KCNC4: variants seen among roughly 807,000 people sequenced by gnomAD.
KCNC4 encodes the protein potassium voltage-gated channel subfamily C member 4, also known as voltage-gated potassium channel KCNC4.
In KCNC4, 23 loss-of-function variants were observed where a neutral mutation model predicts 42.8. That is an observed-to-expected ratio of 0.54 (90% CI 0.39 to 0.76). The LOEUF (loss-of-function observed/expected upper bound fraction) is 0.76. KCNC4 is among the 30% of genes least tolerant of loss of function. The pLI, the probability that KCNC4 is intolerant of heterozygous loss-of-function variation, is 0.00. For missense variants in KCNC4, 751 were observed against 898.2 expected (o/e 0.84, Z 2.10); for synonymous variants, 422 against 393.5 (o/e 1.07, Z -0.86).
chr1:110,267,655 C>T (rs1659563190), intron 1 of KCNC4, among the ~76,000 whole-genome samples: 1 of 152,192 alleles, frequency 6.6e-6, no homozygotes, highest in Non-Finnish European at 1.5e-5. Context: ...TTCTGTCATT[C>T]TTAATCCTCC....
intron 3 of KCNC4, among the ~76,000 whole-genome samples, chr1:110,228,066 G>T (rs1015764595): frequency 2.0e-5 from 3 of 152,206 alleles, no homozygotes; most frequent in Admixed American, 1.3e-4. Flanking sequence ...AAGCGTGGCA[G>T]TTAACATTGC....
chr1:110,268,621 A>AAG, intron 1 of KCNC4, among the ~76,000 whole-genome samples: 1 of 148,912 alleles, frequency 6.7e-6, no homozygotes, highest in South Asian at 2.1e-4. Flanking sequence ...AAAAAAAAAA[A>AAG]AAAAAAGAAA....
At chr1:110,279,293 C>A (rs1373205660) in intron 1 of KCNC4, among the ~76,000 whole-genome samples, 1 of 152,170 alleles carries the variant, frequency 6.6e-6, no homozygotes, top group Non-Finnish European at 1.5e-5. Flanking sequence ...AACTCGCCAT[C>A]CTGTTCTCTG....
exon 4 of KCNC4, chr1:110,247,926 A>G (rs1163850021): frequency 6.6e-6 from 1 of 152,208 alleles, no homozygotes; most frequent in Non-Finnish European, 1.5e-5. Flanking sequence ...TGCCTTTACA[A>G]GAGCATATGT....
chr1:110,223,035 C>T lies in KCNC4; in HGVS notation c.750C>T (p.Ala250=), dbSNP rs1435357775. Residue 250 remains alanine, a synonymous_variant, in exon 2 of 4, where the codon GCC becomes GCT. Transcript: ENST00000438661. The surrounding 1 kb of genome is among the most constrained non-coding windows in gnomAD (Gnocchi z 7.5). ...CTTTCTGCCTGGAGACCCATGAGGC[C>T]TTTAATATCGACCGCAACGTGACAG... The part of the protein sequence containing the change: ...ITTFCLETHE[A]FNIDRNVTEI... 6.2e-7 allele frequency: 1 copy of T among 1,614,042 alleles called. No individual in the cohort carries two copies. Among genetic ancestry groups the T allele is most frequent in the Non-Finnish European group, 8.5e-7 (1 of 1,180,038 alleles).
exon 4 of KCNC4, chr1:110,240,681 CCACAGTGACCCTCCCT>C (rs1298867985): frequency 6.6e-6 from 1 of 152,236 alleles, no homozygotes; most frequent in Non-Finnish European, 1.5e-5. Context: ...GTAGCTGTTG[CCACAGTGACCCTCCCT>C]GGGGTGGTGG....
intron 1 of KCNC4, among the ~76,000 whole-genome samples, chr1:110,271,121 G>T (rs1659626878): frequency 6.6e-6 from 1 of 152,196 alleles, no homozygotes; most frequent in South Asian, 2.1e-4. Flanking sequence ...ACTGGCAAGG[G>T]CTAGATGCCA....
intron 1 of KCNC4, among the ~76,000 whole-genome samples, chr1:110,214,305 ACCACC>A (rs1447778133): frequency 6.6e-6 from 1 of 152,020 alleles, no homozygotes; most frequent in Non-Finnish European, 1.5e-5. Context: ...GAGGCAGGAA[ACCACC>A]CCTAGTTTCC....
chr1:110,280,838 CT>C (rs1366585911), intron 1 of KCNC4, among the ~76,000 whole-genome samples: 1 of 152,238 alleles, frequency 6.6e-6, no homozygotes, highest in Non-Finnish European at 1.5e-5. Context: ...ACACCATCCC[CT>C]GGTCTGCTGC....
At chr1:110,238,847 C>T (rs2181695), downstream of KCNC4, 35,635 of 152,150 alleles carry the variant, frequency 0.23, 4,972 homozygotes, top group Non-Finnish European at 0.31. Context: ...CTCAGGGAAA[C>T]AATGGTGAAC....
chr1:110,224,099 C>A, intron 2 of KCNC4, 199 bp downstream of exon 2: 1 of 584,412 alleles, frequency 1.7e-6, no homozygotes. Flanking sequence ...TCCCGAACAT[C>A]AGATCTTTGG....
chr1:110,283,901 A>C (rs1570590587), downstream of KCNC4, among the ~76,000 whole-genome samples: 1 of 152,306 alleles, frequency 6.6e-6, no homozygotes, highest in East Asian at 1.9e-4. Context: ...ATGCTATTTC[A>C]GGGCACATTG....
chr1:110,211,801 G>C lies in KCNC4; in HGVS notation c.302G>C (p.Gly101Ala). ...GAGTTCTTCTTCGACAGGCACCCGG[G>C]CGTCTTCGCCTACGTGCTCAACTAC... ...GCEFFFDRHP[G>A]VFAYVLNYYR... The change falls in exon 1 of 4, where the codon GGC becomes GCC. Residue 101 changes from glycine to alanine, a missense_variant. Gly to Ala is a moderately conservative substitution (Grantham distance 60). This residue lies in a region of KCNC4 where 183 missense variants were observed against 255.8 expected (regional missense o/e 0.72). Coordinates refer to ENST00000438661, the MANE Select transcript of KCNC4 (RefSeq NM_001039574.3). This position sits in a 1 kb window ranked among gnomAD's most constrained non-coding sequence, Gnocchi z 6.5. The C allele has an allele frequency of 6.2e-7, 1 of 1,611,466 alleles. No individual in the cohort carries two copies. The highest frequency in any genetic ancestry group is 8.5e-7 in the Non-Finnish European group (1 of 1,179,790).
chr1:110,237,483 T>C (rs558818753), downstream of KCNC4: 3 of 152,034 alleles, frequency 2.0e-5, no homozygotes, highest in East Asian at 5.8e-4. Flanking sequence ...AATTACCAAA[T>C]CAAAATGGGT....
At chr1:110,215,188 T>C (rs986123160) in intron 1 of KCNC4, among the ~76,000 whole-genome samples, 11 of 152,384 alleles carry the variant, frequency 7.2e-5, no homozygotes, top group African/African-American at 2.6e-4. Flanking sequence ...TATGAGAGCC[T>C]GTTGCCTAGC....
intron 1 of KCNC4, chr1:110,222,746 C>T (rs1280777538): frequency 2.0e-5 from 11 of 557,460 alleles, no homozygotes; most frequent in Non-Finnish European, 3.2e-5. Flanking sequence ...CAGCTTCTAT[C>T]TTTTGTGACA....
chr1:110,239,886 T>G (rs1658992477), exon 4 of KCNC4: 1 of 152,240 alleles, frequency 6.6e-6, no homozygotes. Context: ...CTTCCCACAG[T>G]GGCGAGTTGC....
intron 1 of KCNC4, among the ~76,000 whole-genome samples, chr1:110,270,477 A>G (rs112022146): frequency 6.6e-6 from 1 of 152,180 alleles, no homozygotes; most frequent in African/African-American, 2.4e-5. Context: ...CTCAGGGTGG[A>G]CTTAGAGGCA....
chr1:110,266,099 TCTG>T (rs112640383), intron 1 of KCNC4, among the ~76,000 whole-genome samples: 9,013 of 152,158 alleles, frequency 0.059, 871 homozygotes, highest in African/African-American at 0.21. Context: ...CAGGCATTCT[TCTG>T]CTTAAGTACA....
Sources: gnomAD v4.1 joint callset for allele counts (sites outside exome capture counted in the v4.1 genomes callset) on GRCh38, gnomAD v4.1.1 for gene constraint, gnomAD v4.1.1 regional missense constraint, Gnocchi (gnomAD v3.1) non-coding constraint, MANE v1.5 for transcripts, NCBI Gene and HGNC (gene_info 2026-07-23, HGNC 2026-07-21) for gene names.